Variants in GSE1 observed in about 807,000 individuals in gnomAD.
GSE1 encodes the protein Gse1 coiled-coil protein.
In GSE1, 32 loss-of-function variants were observed where a neutral mutation model predicts 112.6. The observed-to-expected ratio is 0.28, with a 90% CI of 0.21 to 0.38. The LOEUF (loss-of-function observed/expected upper bound fraction) is 0.38, where lower values mean the gene tolerates loss of function less well. Among genes scored for constraint, GSE1 ranks in the 10% least tolerant of loss-of-function variants. GSE1 has a pLI of 1.00. For missense variants in GSE1, 2,348 were observed against 1,699.2 expected (o/e 1.38, Z -6.71); for synonymous variants, 1,115 against 735.6 (o/e 1.52, Z -8.35).
chr16:85,636,711 C>T (rs963582005), intron 2 of GSE1, among the ~76,000 whole-genome samples: 2 of 152,288 alleles, frequency 1.3e-5, no homozygotes, highest in South Asian at 2.1e-4. Context: ...GGAGAGCCGC[C>T]GTTAGGACAG....
chr16:85,240,947 C>G (rs940420924), intron 1 of GSE1, among the ~76,000 whole-genome samples: 2 of 152,248 alleles, frequency 1.3e-5, no homozygotes. Context: ...CTAGCTCCCT[C>G]CTAGAAAAAA....
chr16:85,356,772 G>A (rs560187980), intron 1 of GSE1, among the ~76,000 whole-genome samples: 6 of 152,284 alleles, frequency 3.9e-5, no homozygotes, highest in African/African-American at 7.2e-5. Context: ...GATTACAGGC[G>A]GGAGCCACCG....
intron 1 of GSE1, among the ~76,000 whole-genome samples, chr16:85,633,435 G>A (rs1481953915): frequency 1.3e-5 from 2 of 152,234 alleles, no homozygotes; most frequent in East Asian, 1.9e-4. Context: ...GCCTGGCATC[G>A]TGTGCTTGTC....
chr16:85,392,039 C>T (rs1244464000), intron 2 of GSE1, among the ~76,000 whole-genome samples: 1 of 152,140 alleles, frequency 6.6e-6, no homozygotes, highest in Non-Finnish European at 1.5e-5. Context: ...CCCCAGCTGG[C>T]CTGTTCAACG....
At chr16:85,500,998 GTTTTTTTTTT>G (rs55650214) in intron 2 of GSE1, among the ~76,000 whole-genome samples, 30 of 64,842 alleles carry the variant, frequency 4.6e-4, no homozygotes, top group African/African-American at 1.9e-3. Flanking sequence ...GGCCTGTTCT[GTTTTTTTTTT>G]TTTTTTTTTT....
chr16:85,315,767 G>T (rs753072709), intron 1 of GSE1, among the ~76,000 whole-genome samples: 1 of 152,188 alleles, frequency 6.6e-6, no homozygotes, highest in Non-Finnish European at 1.5e-5. Context: ...AAACGTATTC[G>T]TTGTTCATCC....
rs571171426 is a variant in GSE1, at chr16:85,622,636, T to A, written c.7+9238T>A. On this transcript the variant is annotated intron_variant, in intron 1 of 15. Transcript: ENST00000253458. ...CCGCCACTTTGAACCATCTTGAGAG[T>A]GGACCTTTTTGCAAAGGCGGATGTA... 2.0e-5 allele frequency among the ~76,000 whole-genome samples: 3 copies of A among 152,274 alleles called. No individual in the cohort carries two copies. The East Asian group carries it at 5.8e-4, about 29-fold the overall frequency.
At chr16:85,589,788 AAT>A (rs796109984) in intron 1 of GSE1, among the ~76,000 whole-genome samples, 94 of 151,980 alleles carry the variant, frequency 6.2e-4, no homozygotes, top group African/African-American at 1.8e-3. Flanking sequence ...TGTATGTGTG[AAT>A]ATGTGTGAGA....
At chr16:85,663,136 C>G (rs771976976) in intron 10 of GSE1, 43 bp downstream of exon 10, 7 of 1,418,338 alleles carry the variant, frequency 4.9e-6, no homozygotes, top group African/African-American at 2.8e-5. Flanking sequence ...GGGCTGGGCT[C>G]TCGTTCCTAG....
At position 85,672,743 on chromosome 16, in the gene GSE1, G is replaced by C. The variant is rs149436912; in HGVS notation, c.*204G>C. The C allele has an allele frequency of 7.2e-6, 3 of 414,052 alleles. No individual in the cohort carries two copies. Among genetic ancestry groups the C allele is most frequent in the African/African-American group, 2.0e-5 (1 of 49,928 alleles). 25.6% of individuals were successfully genotyped at this position (414,052 alleles called of 1,614,324 possible). A position where few individuals can be genotyped will look rare whatever the true frequency, so the allele number is the denominator to read the frequency against. Reference sequence around the variant, plus strand: ...AATTGAATCACCGTTGTCATTCAGCGAGCAACCAATGTAGGATTGCCCACA... The same window carrying C: ...AATTGAATCACCGTTGTCATTCAGCCAGCAACCAATGTAGGATTGCCCACA... On this transcript the variant is annotated 3_prime_UTR_variant, in exon 16 of 16. Coordinates refer to ENST00000253458, the MANE Select transcript of GSE1 (RefSeq NM_014615.5).
intron 1 of GSE1, among the ~76,000 whole-genome samples, chr16:85,326,834 C>G (rs1036989892): frequency 6.6e-6 from 1 of 152,238 alleles, no homozygotes; most frequent in African/African-American, 2.4e-5. Context: ...TGTGGGGTCC[C>G]GATCAGTTTA....
intron 1 of GSE1, among the ~76,000 whole-genome samples, chr16:85,562,854 C>T (rs1373577864): frequency 6.6e-6 from 1 of 152,250 alleles, no homozygotes; most frequent in Non-Finnish European, 1.5e-5. Flanking sequence ...ACTTCAAATT[C>T]TCTTCCTTAG....
At chr16:85,394,219 G>A (rs1349154739) in intron 2 of GSE1, among the ~76,000 whole-genome samples, 3 of 152,158 alleles carry the variant, frequency 2.0e-5, no homozygotes, top group Admixed American at 6.5e-5. Flanking sequence ...GCAGCCGGGG[G>A]CCGGGGAGCG....
chr16:85,455,952 T>A (rs1266061742), intron 2 of GSE1, among the ~76,000 whole-genome samples: 2 of 152,238 alleles, frequency 1.3e-5, no homozygotes, highest in African/African-American at 2.4e-5. Context: ...CAAATGCGAA[T>A]AAACTCATAG....
chr16:85,323,146 C>G (rs971847330), intron 1 of GSE1, among the ~76,000 whole-genome samples: 1 of 152,082 alleles, frequency 6.6e-6, no homozygotes, highest in African/African-American at 2.4e-5. Flanking sequence ...TGGGGCAAGA[C>G]GTGAGAGGCA....
At chr16:85,547,547 T>C (rs2044743042) in intron 2 of GSE1, among the ~76,000 whole-genome samples, 1 of 152,220 alleles carries the variant, frequency 6.6e-6, no homozygotes, top group Non-Finnish European at 1.5e-5. Flanking sequence ...ATATAATTAA[T>C]GTATAATTTA....
intron 1 of GSE1, among the ~76,000 whole-genome samples, chr16:85,344,443 G>A (rs534416415): frequency 3.9e-5 from 6 of 152,348 alleles, no homozygotes; most frequent in South Asian, 2.1e-4. Flanking sequence ...CCCTTGTTTC[G>A]GGGCTGAGAG....
chr16:85,204,968 C>T (rs965832484), intron 1 of GSE1, among the ~76,000 whole-genome samples: 3 of 152,200 alleles, frequency 2.0e-5, no homozygotes, highest in African/African-American at 4.8e-5. Context: ...AAAAGGGAAT[C>T]CCTTAAACCC....
At chr16:85,460,192 A>C (rs2049934330) in intron 2 of GSE1, among the ~76,000 whole-genome samples, 1 of 152,212 alleles carries the variant, frequency 6.6e-6, no homozygotes, top group Non-Finnish European at 1.5e-5. Flanking sequence ...GTTCAAGGTC[A>C]AACGGGCTGG....
Sources: allele counts gnomAD v4.1 joint callset (sites outside exome capture counted in the v4.1 genomes callset), GRCh38; gene constraint gnomAD v4.1.1; transcripts MANE v1.5; gene names NCBI Gene and HGNC (gene_info 2026-07-23, HGNC 2026-07-21).